The following LARGE1 variants were observed in gnomAD, a reference collection of about 807,000 sequenced individuals.
The protein encoded by LARGE1 is xylosyl- and glucuronyltransferase LARGE1.
A neutral mutation model predicts 87.6 loss-of-function variants in LARGE1; 43 were observed. The ratio of observed to expected loss-of-function variants is 0.49; its 90% CI spans 0.38 to 0.63. The LOEUF (loss-of-function observed/expected upper bound fraction) is 0.63. LARGE1 is among the 30% of genes least tolerant of loss of function. The probability of loss-of-function intolerance (pLI) is 0.00; values close to 1 mark genes in which losing one functional copy is unlikely to be tolerated. For synonymous variants in LARGE1, 434 were observed against 394.6 expected (o/e 1.10, Z -1.18); for missense variants, 802 against 1,000.2 (o/e 0.80, Z 2.67).
the LARGE1 span, among the ~76,000 whole-genome samples, chr22:33,125,488 C>G: frequency 6.6e-6 from 1 of 150,926 alleles, no homozygotes; most frequent in African/African-American, 2.4e-5. Context: ...CTCTTGTTGC[C>G]CAGACTGGAG....
chr22:33,140,323 G>A, the LARGE1 span, among the ~76,000 whole-genome samples: 1 of 145,066 alleles, frequency 6.9e-6, no homozygotes, highest in African/African-American at 2.4e-5. Context: ...AGAACAGTGG[G>A]TGCAGTGGGG....
intron 2 of LARGE1, among the ~76,000 whole-genome samples, chr22:33,719,949 C>T (rs2083045116): frequency 6.6e-6 from 1 of 152,144 alleles, no homozygotes; most frequent in South Asian, 2.1e-4. Context: ...AGGCAATAGG[C>T]TATACCAGCA....
At chr22:33,072,226 A>G in the LARGE1 span, among the ~76,000 whole-genome samples, 7 of 152,168 alleles carry the variant, frequency 4.6e-5, no homozygotes, top group Admixed American at 2.0e-4. Flanking sequence ...GGCTGTGTAC[A>G]CAGTTAAGCT....
intron 6 of LARGE1, among the ~76,000 whole-genome samples, chr22:33,508,129 G>A (rs1475822438): frequency 1.3e-5 from 2 of 152,132 alleles, no homozygotes; most frequent in Admixed American, 1.3e-4. Context: ...TCACAGAGAT[G>A]AGCTTTGATC....
At chr22:33,485,928 G>A (rs2069553507) in intron 6 of LARGE1, among the ~76,000 whole-genome samples, 1 of 152,172 alleles carries the variant, frequency 6.6e-6, no homozygotes, top group South Asian at 2.1e-4. Flanking sequence ...TGTCTGTTTT[G>A]TTTGCTGCTA....
chr22:33,104,388 G>A, the LARGE1 span, among the ~76,000 whole-genome samples: 1 of 152,208 alleles, frequency 6.6e-6, no homozygotes, highest in East Asian at 1.9e-4. Context: ...CACAGAGAAA[G>A]GGCTAGGGGC....
chr22:33,650,807 T>C (rs1602980400), intron 2 of LARGE1, 139 bp from the exon 3 acceptor site: 20 of 958,386 alleles, frequency 2.1e-5, no homozygotes, highest in Non-Finnish European at 3.2e-5. Context: ...GGAAAGTGAG[T>C]TACAAATAAA....
intron 1 of LARGE1, among the ~76,000 whole-genome samples, chr22:33,887,325 G>A (rs891171855): frequency 2.6e-5 from 4 of 152,150 alleles, no homozygotes; most frequent in African/African-American, 9.7e-5. Flanking sequence ...CTTCTTTCAC[G>A]TAAGGACGCA....
intron 11 of LARGE1, among the ~76,000 whole-genome samples, chr22:33,233,217 A>T (rs531495021): frequency 6.6e-6 from 1 of 152,226 alleles, no homozygotes; most frequent in East Asian, 1.9e-4. Context: ...GAGGAGAGGT[A>T]ACTTCCGGGT....
rs139604490 is a variant in LARGE1 at position 33,878,825 on chromosome 22, T to A, written c.-83+41170A>T. On this transcript the variant is annotated intron_variant, in intron 1 of 14. Transcript: ENST00000397394. ...ACTGGGATCACCGATGGATGCTGTG[T>A]TTAATAGGATAAGTGTTTGATAGCT... is the stretch of plus-strand genomic sequence containing the variant. Among the ~76,000 whole-genome samples the A allele has an allele frequency of 1.6e-3, 248 of 152,304 alleles. 1 individual carries two copies. The highest frequency in any genetic ancestry group is 5.6e-3 in the African/African-American group (231 of 41,566).
At chr22:33,256,578 T>C (rs1927283750) in intron 11 of LARGE1, among the ~76,000 whole-genome samples, 1 of 152,190 alleles carries the variant, frequency 6.6e-6, no homozygotes, top group African/African-American at 2.4e-5. Flanking sequence ...GACCTGAATA[T>C]GCCAACAATG....
the LARGE1 span, among the ~76,000 whole-genome samples, chr22:33,069,401 G>GAA: frequency 6.6e-6 from 1 of 152,072 alleles, no homozygotes; most frequent in Non-Finnish European, 1.5e-5. Context: ...AAGCACAAAG[G>GAA]AAAGTTCGGT....
intron 11 of LARGE1, among the ~76,000 whole-genome samples, chr22:33,250,062 T>G (rs1418444974): frequency 6.6e-6 from 1 of 152,170 alleles, no homozygotes; most frequent in African/African-American, 2.4e-5. Context: ...TTTGCCAATA[T>G]TCACGTAATA....
intron 12 of LARGE1, among the ~76,000 whole-genome samples, chr22:33,283,892 TAAAG>T (rs1284054409): frequency 8.3e-6 from 1 of 120,044 alleles, no homozygotes; most frequent in Non-Finnish European, 1.9e-5. Flanking sequence ...AAAGAAAAAG[TAAAG>T]AAAGAAAAAA....
rs557209160 is a variant in LARGE1 at position 33,352,017 on chromosome 22, G to A, written c.1132-14216C>T. The stretch of plus-strand genomic sequence containing the variant: ...CTCCCAAAGTGCTGGGATTACAGGC[G>A]TGAGCCCCCAAGGCCTGGCAAAAAT... On this transcript the variant is annotated intron_variant, in intron 9 of 14. Coordinates refer to ENST00000397394, the MANE Select transcript of LARGE1 (RefSeq NM_133642.5). Among the ~76,000 whole-genome samples, 10 of 152,254 alleles carry A rather than the reference G, an allele frequency of 6.6e-5. No homozygotes were observed. In the East Asian group the frequency reaches 1.2e-3, roughly 18 times the overall value.
At chr22:33,764,086 G>GATCCACCC (rs1215515990) in intron 1 of LARGE1, among the ~76,000 whole-genome samples, 1 of 151,884 alleles carries the variant, frequency 6.6e-6, no homozygotes, top group African/African-American at 2.4e-5. Flanking sequence ...TCGACCTTGT[G>GATCCACCC]ATCCACCCAC....
intron 9 of LARGE1, among the ~76,000 whole-genome samples, chr22:33,362,537 T>C (rs1423277176): frequency 6.7e-6 from 1 of 149,928 alleles, no homozygotes; most frequent in East Asian, 1.9e-4. Flanking sequence ...GCAAAGTAGA[T>C]GCCCAAGGCT....
In LARGE1 at chr22:33,651,547, C is replaced by T. The variant is rs145409531; in HGVS notation, c.107-879G>A. On this transcript the variant is annotated intron_variant, in intron 2 of 14. Transcript: ENST00000397394. ...CATTTGCAGGCAAGATATCCTTCCA[C>T]ATATTCCGAAATAATTTGTATGTAG... 1.6e-4 allele frequency among the ~76,000 whole-genome samples: 25 copies of T among 152,298 alleles called. No individual in the cohort carries two copies. In the East Asian group the frequency reaches 3.5e-3, roughly 21 times the overall value.
In LARGE1 at chr22:33,274,443, G is replaced by C. The variant is rs200024875; in HGVS notation, c.2255C>G (p.Ala752Gly). Residue 752 changes from alanine to glycine, a missense_variant, in exon 15 of 15, where the codon GCC becomes GGC. Transcript: ENST00000397394. ...YGFAALKYLTAENNS is the reference protein window; with the variant it reads ...YGFAALKYLTGENNS ...TTCTTGGTGCTAGCTGTTGTTCTCGGCTGTGAGATATTTCAGGGCAGCAAA... is the reference window on the plus strand; with the variant it reads ...TTCTTGGTGCTAGCTGTTGTTCTCGCCTGTGAGATATTTCAGGGCAGCAAA... 3.5e-5 allele frequency: 56 copies of C among 1,614,056 alleles called. 1 individual carries two copies. In the Middle Eastern group the frequency reaches 4.9e-4, roughly 14 times the overall value.
Sources: allele counts gnomAD v4.1 joint callset (sites outside exome capture counted in the v4.1 genomes callset), GRCh38; gene constraint gnomAD v4.1.1; transcripts MANE v1.5; gene names NCBI Gene and HGNC (gene_info 2026-07-23, HGNC 2026-07-21).